Variants in ROBO2 observed in about 807,000 individuals in gnomAD.
ROBO2 encodes roundabout guidance receptor 2.
A neutral mutation model predicts 160.8 loss-of-function variants in ROBO2; 53 were observed. That is an observed-to-expected ratio of 0.33 (90% confidence interval 0.26 to 0.41). ROBO2 has a LOEUF of 0.41. ROBO2 is among the 10% of genes least tolerant of loss of function. The pLI, the probability that ROBO2 is intolerant of heterozygous loss-of-function variation, is 1.00. For synonymous variants in ROBO2, 664 were observed against 611.7 expected, an observed-to-expected ratio of 1.09 and a Z score of -1.26; for missense variants, 1,577 against 1,722.4, an observed-to-expected ratio of 0.92 and a Z score of 1.49.
At chr3:76,159,534 CT>C (rs1559601488) in intron 2 of ROBO2, among the ~76,000 whole-genome samples, 1 of 152,068 alleles carries the variant, frequency 6.6e-6, no homozygotes, top group Non-Finnish European at 1.5e-5. Context: ...TATTAAAAGA[CT>C]TGTGTCAAAC....
chr3:77,161,476 C>T (rs1457805725), intron 2 of ROBO2, among the ~76,000 whole-genome samples: 1 of 152,156 alleles, frequency 6.6e-6, no homozygotes, highest in Non-Finnish European at 1.5e-5. Context: ...GATATTAAAA[C>T]TAAGGTTAAA....
chr3:76,915,909 C>T (rs190755742), intron 2 of ROBO2, among the ~76,000 whole-genome samples: 259 of 152,240 alleles, frequency 1.7e-3, no homozygotes, highest in Middle Eastern at 0.014. Context: ...AGTCTGCAGT[C>T]AGCTTTCTTC....
intron 2 of ROBO2, among the ~76,000 whole-genome samples, chr3:76,503,391 A>G (rs2080590652): frequency 6.6e-6 from 1 of 152,182 alleles, no homozygotes; most frequent in South Asian, 2.1e-4. Context: ...GTATCCCTCA[A>G]TACAATCAAG....
intron 2 of ROBO2, among the ~76,000 whole-genome samples, chr3:76,353,788 T>C (rs1028897540): frequency 6.6e-6 from 1 of 151,932 alleles, no homozygotes; most frequent in African/African-American, 2.4e-5. Flanking sequence ...TTCTTAGAAC[T>C]TAGAGAACTC....
chr3:76,033,441 C>T (rs185607036), intron 2 of ROBO2, among the ~76,000 whole-genome samples: 19 of 152,226 alleles, frequency 1.2e-4, no homozygotes, highest in South Asian at 8.3e-4. Flanking sequence ...GCATATAGGG[C>T]CTGCTACTGT....
intron 2 of ROBO2, among the ~76,000 whole-genome samples, chr3:77,227,182 T>G (rs1487572151): frequency 2.0e-5 from 3 of 152,274 alleles, no homozygotes; most frequent in African/African-American, 7.2e-5. Context: ...AGTTAAGTTG[T>G]TTTAACTACC....
At chr3:76,445,486 C>G (rs2077132715) in intron 2 of ROBO2, among the ~76,000 whole-genome samples, 1 of 152,160 alleles carries the variant, frequency 6.6e-6, no homozygotes, top group African/African-American at 2.4e-5. Flanking sequence ...ACCATTCCTT[C>G]TGAAACTATT....
intron 2 of ROBO2, among the ~76,000 whole-genome samples, chr3:77,111,799 C>T (rs528446263): frequency 6.6e-6 from 1 of 152,062 alleles, no homozygotes; most frequent in Non-Finnish European, 1.5e-5. Context: ...CTACTTTAAA[C>T]GAGGTTAATA....
intron 2 of ROBO2, among the ~76,000 whole-genome samples, chr3:77,207,572 T>C (rs114753556): frequency 0.011 from 1,628 of 152,316 alleles, 14 homozygotes; most frequent in South Asian, 0.023. Context: ...CATTTTTAGA[T>C]AAAAGTTAAA....
chr3:77,215,229 G>A (rs1376237547), intron 2 of ROBO2, among the ~76,000 whole-genome samples: 1 of 152,198 alleles, frequency 6.6e-6, no homozygotes, highest in African/African-American at 2.4e-5. Context: ...ATTAAACATA[G>A]ATTTGGTCTT....
chr3:77,062,441 C>T (rs1024529209), intron 1 of ROBO2, among the ~76,000 whole-genome samples: 1 of 152,012 alleles, frequency 6.6e-6, no homozygotes, highest in Non-Finnish European at 1.5e-5. Flanking sequence ...GAGAACAGGA[C>T]CCAAGTTGTG....
chr3:77,530,421 T>C (rs1194051745), intron 6 of ROBO2, among the ~76,000 whole-genome samples: 1 of 151,988 alleles, frequency 6.6e-6, no homozygotes, highest in Non-Finnish European at 1.5e-5. Flanking sequence ...TTTGTCTAAA[T>C]GGATGACTCT....
rs1242257006 is a variant in ROBO2 at position 76,978,934 on chromosome 3, GTTTGT to G, written c.110-119076_110-119072del. Among the ~76,000 whole-genome samples the G allele has an allele frequency of 2.0e-5, 3 of 146,496 alleles. 1 individual carries two copies. The highest frequency in any genetic ancestry group is 7.7e-5 in the African/African-American group (3 of 39,112). ...GTTTTAGAGTTTTTTTTGTTTGTTTGTTTGTTTTTTAAAAAAAAAAAAAAGAAAAA... is the reference window on the plus strand; with the variant it reads ...GTTTTAGAGTTTTTTTTGTTTGTTTGTTTTTAAAAAAAAAAAAAAGAAAAA... On this transcript the variant is annotated intron_variant, in intron 2 of 26. Transcript: ENST00000487694.
intron 2 of ROBO2, among the ~76,000 whole-genome samples, chr3:76,764,003 C>T (rs1176151408): frequency 1.3e-5 from 2 of 151,670 alleles, no homozygotes; most frequent in African/African-American, 4.8e-5. Flanking sequence ...TTAACATATC[C>T]CTTGGCCGGG....
intron 2 of ROBO2, among the ~76,000 whole-genome samples, chr3:76,606,580 G>T (rs1289801388): frequency 6.6e-6 from 1 of 152,140 alleles, no homozygotes; most frequent in Non-Finnish European, 1.5e-5. Flanking sequence ...AACAAAGTCA[G>T]AAATACCTTG....
intron 2 of ROBO2, among the ~76,000 whole-genome samples, chr3:76,140,069 A>C (rs949305050): frequency 6.7e-6 from 1 of 149,736 alleles, no homozygotes; most frequent in African/African-American, 2.5e-5. Context: ...ATAAATAATA[A>C]TGTATATTGC....
intron 2 of ROBO2, among the ~76,000 whole-genome samples, chr3:77,300,433 T>C (rs901070909): frequency 3.9e-5 from 6 of 152,096 alleles, no homozygotes; most frequent in Non-Finnish European, 8.8e-5. Context: ...TTGAGTAAAA[T>C]GTAGAGAGCA....
At chr3:76,732,110 G>A (rs2093646348) in intron 2 of ROBO2, among the ~76,000 whole-genome samples, 1 of 152,074 alleles carries the variant, frequency 6.6e-6, no homozygotes, top group African/African-American at 2.4e-5. Context: ...GGAAGGAATG[G>A]CTTACTGTGA....
chr3:77,213,723 T>C (rs1354027665), intron 2 of ROBO2, among the ~76,000 whole-genome samples: 4 of 152,284 alleles, frequency 2.6e-5, no homozygotes, highest in Admixed American at 2.6e-4. Context: ...TTTAGTGCTA[T>C]AAATTTCCCT....
Sources: gnomAD v4.1 joint callset for allele counts (sites outside exome capture counted in the v4.1 genomes callset) on GRCh38, gnomAD v4.1.1 for gene constraint, MANE v1.5 for transcripts, NCBI Gene and HGNC (gene_info 2026-07-23, HGNC 2026-07-21) for gene names.